The following DSCAM variants were observed in gnomAD, a reference collection of about 807,000 sequenced individuals.
The protein encoded by DSCAM is DS cell adhesion molecule, also known as cell adhesion molecule DSCAM.
A neutral mutation model predicts 217.7 loss-of-function variants in DSCAM; 47 were observed. That is an observed-to-expected ratio of 0.22 (90% CI 0.17 to 0.28). The LOEUF (loss-of-function observed/expected upper bound fraction) is 0.28, where lower values mean the gene tolerates loss of function less well. Ranked by LOEUF, DSCAM falls within the 10% of genes least tolerant of loss-of-function variation. The probability of loss-of-function intolerance (pLI) is 1.00; values close to 1 mark genes in which losing one functional copy is unlikely to be tolerated. For synonymous variants in DSCAM, 1,056 were observed against 1,015.3 expected, an observed-to-expected ratio of 1.04 and a Z score of -0.76; for missense variants, 2,080 against 2,618.3, an observed-to-expected ratio of 0.79 and a Z score of 4.49.
intron 3 of DSCAM, among the ~76,000 whole-genome samples, chr21:40,499,395 T>C (rs905568029): frequency 1.3e-5 from 2 of 152,144 alleles, no homozygotes; most frequent in Admixed American, 1.3e-4. Context: ...GACATTCAGA[T>C]TAAAGCAAAC....
intron 8 of DSCAM, among the ~76,000 whole-genome samples, chr21:40,335,664 G>C (rs1232349035): frequency 6.6e-6 from 1 of 152,184 alleles, no homozygotes; most frequent in African/African-American, 2.4e-5. Flanking sequence ...GCATAAAGAA[G>C]TTCATTTGAT....
intron 10 of DSCAM, among the ~76,000 whole-genome samples, chr21:40,279,023 A>G (rs751472663): frequency 1.6e-4 from 25 of 152,218 alleles, no homozygotes; most frequent in Non-Finnish European, 3.7e-4. Flanking sequence ...ACATGTTTGC[A>G]TTAGTTCTTT....
intron 32 of DSCAM, among the ~76,000 whole-genome samples, chr21:40,022,214 G>A (rs941345955): frequency 6.6e-6 from 1 of 152,172 alleles, no homozygotes; most frequent in Non-Finnish European, 1.5e-5. Flanking sequence ...GTCCCCAGGG[G>A]ACATGTAGCA....
At chr21:40,695,788 G>A (rs1014219144) in intron 2 of DSCAM, among the ~76,000 whole-genome samples, 3 of 152,234 alleles carry the variant, frequency 2.0e-5, no homozygotes, top group African/African-American at 7.2e-5. Flanking sequence ...GAATATACAT[G>A]TATGCACATT....
At chr21:40,524,820 C>T in intron 3 of DSCAM, among the ~76,000 whole-genome samples, 1 of 151,762 alleles carries the variant, frequency 6.6e-6, no homozygotes, top group East Asian at 1.9e-4. Flanking sequence ...ACAAGCCTGA[C>T]CAACATGGTG....
intron 8 of DSCAM, among the ~76,000 whole-genome samples, chr21:40,325,732 T>C (rs1029095302): frequency 2.2e-4 from 33 of 152,100 alleles, no homozygotes; most frequent in Admixed American, 2.2e-3. Flanking sequence ...AAGAGCTCCT[T>C]TACATCAATC....
chr21:40,827,488 AAAAG>A (rs2091979650), intron 1 of DSCAM, among the ~76,000 whole-genome samples: 2 of 148,706 alleles, frequency 1.3e-5, no homozygotes, highest in African/African-American at 4.9e-5. Context: ...AAAAAAAAAG[AAAAG>A]AAAGAAAGAA....
At chr21:40,345,398 C>T (rs1311968473) in intron 6 of DSCAM, among the ~76,000 whole-genome samples, 1 of 152,156 alleles carries the variant, frequency 6.6e-6, no homozygotes, top group African/African-American at 2.4e-5. Context: ...TTTGGTGTCT[C>T]TCAAATGTCT....
chr21:40,067,424 C>T (rs1157015783), intron 27 of DSCAM, among the ~76,000 whole-genome samples: 1 of 152,082 alleles, frequency 6.6e-6, no homozygotes, highest in African/African-American at 2.4e-5. Flanking sequence ...AAAATGTTAT[C>T]CTTCAGAATC....
chr21:40,682,631 G>GAA (rs1462464117), intron 3 of DSCAM, among the ~76,000 whole-genome samples: 985 of 80,310 alleles, frequency 0.012, 330 homozygotes, highest in Admixed American at 0.02. Flanking sequence ...GAGAAAGAGA[G>GAA]AGAAAGAAAG....
chr21:40,406,091 G>A (rs148531384), intron 3 of DSCAM, among the ~76,000 whole-genome samples: 8 of 152,204 alleles, frequency 5.3e-5, no homozygotes, highest in East Asian at 1.9e-4. Flanking sequence ...ATTTAAAACC[G>A]CAATAACGTA....
chr21:40,324,357 T>C (rs1167960448), intron 8 of DSCAM, among the ~76,000 whole-genome samples: 2 of 151,926 alleles, frequency 1.3e-5, no homozygotes, highest in African/African-American at 4.8e-5. Context: ...CTACTTGAAA[T>C]TTGGGGGCGT....
chr21:40,519,848 C>G (rs77068001), intron 3 of DSCAM, among the ~76,000 whole-genome samples: 12,677 of 150,308 alleles, frequency 0.084, 806 homozygotes, highest in East Asian at 0.23. Context: ...CTCTCTCTCT[C>G]TCTGTGTGTG....
intron 15 of DSCAM, among the ~76,000 whole-genome samples, chr21:40,178,200 C>T (rs1003056986): frequency 3.9e-5 from 6 of 152,266 alleles, no homozygotes; most frequent in South Asian, 4.2e-4. Flanking sequence ...TTCACCCCCC[C>T]GGAAACATGA....
At chr21:40,664,683 G>T (rs1241550728) in intron 3 of DSCAM, among the ~76,000 whole-genome samples, 1 of 152,190 alleles carries the variant, frequency 6.6e-6, no homozygotes, top group African/African-American at 2.4e-5. Context: ...CTACTTCCTT[G>T]TCAGATTGTC....
intron 28 of DSCAM, among the ~76,000 whole-genome samples, chr21:40,056,717 C>T (rs573931865): frequency 2.6e-5 from 4 of 152,278 alleles, no homozygotes; most frequent in African/African-American, 9.6e-5. Flanking sequence ...CTTGGATAAT[C>T]CAATCAATGG....
chr21:40,212,458 A>C (rs1403434755), intron 11 of DSCAM: 2 of 154,210 alleles, frequency 1.3e-5, no homozygotes, highest in Non-Finnish European at 2.9e-5. Flanking sequence ...TTACCTCTGC[A>C]GTCTAGTTGT....
chr21:40,448,930 G>C (rs2075697261), intron 3 of DSCAM, among the ~76,000 whole-genome samples: 1 of 152,160 alleles, frequency 6.6e-6, no homozygotes, highest in Non-Finnish European at 1.5e-5. Flanking sequence ...GTGGTTAGGA[G>C]TTGAACTTGA....
At chr21:40,649,358 C>T (rs564608401) in intron 3 of DSCAM, among the ~76,000 whole-genome samples, 1 of 152,318 alleles carries the variant, frequency 6.6e-6, no homozygotes, top group Non-Finnish European at 1.5e-5. Context: ...CTCTGTCCAC[C>T]TCCAAGACAG....
Sources: allele counts gnomAD v4.1 joint callset (sites outside exome capture counted in the v4.1 genomes callset), GRCh38; gene constraint gnomAD v4.1.1; transcripts MANE v1.5; gene names NCBI Gene and HGNC (gene_info 2026-07-23, HGNC 2026-07-21).